The following SYNPO2 variants were observed in gnomAD, a reference collection of about 807,000 sequenced individuals.
SYNPO2 encodes the protein synaptopodin 2, also known as synaptopodin-2.
A neutral mutation model predicts 85.0 loss-of-function variants in SYNPO2; 56 were observed. The observed-to-expected ratio is 0.66, with a 90% CI of 0.53 to 0.82. SYNPO2 has a LOEUF of 0.82. Ranked by LOEUF, SYNPO2 falls within the 40% of genes least tolerant of loss-of-function variation. SYNPO2 has a pLI of 0.00. For missense variants in SYNPO2, 1,575 were observed against 1,534.2 expected, an observed-to-expected ratio of 1.03 and a Z score of -0.44; for synonymous variants, 602 against 591.1, an observed-to-expected ratio of 1.02 and a Z score of -0.27.
rs1321917322 is a variant in SYNPO2, at chr4:119,057,827, A to G, written c.3679A>G (p.Arg1227Gly). 3.1e-6 allele frequency: 5 copies of G among 1,614,012 alleles called. No individual in the cohort carries two copies. The highest frequency in any genetic ancestry group is 4.2e-6 in the Non-Finnish European group (5 of 1,180,040). The change falls in exon 5 of 5, where the codon AGA becomes GGA. Residue 1227 changes from arginine to glycine, a missense_variant. Physicochemically the swap from Arg to Gly is moderately radical, Grantham distance 125. Coordinates refer to ENST00000307142, the MANE Select transcript of SYNPO2 (RefSeq NM_133477.3). The part of the protein sequence containing the change: ...LPYAYYRQAS[R>G]NDSAIMSMET... ...ATATGCATATTATAGGCAGGCTTCAAGAAATGATTCTGCAATCATGTCCAT... is the reference window on the plus strand; with the variant it reads ...ATATGCATATTATAGGCAGGCTTCAGGAAATGATTCTGCAATCATGTCCAT...
chr4:118,850,941 G>C lies in SYNPO2; in HGVS notation c.12+1G>C, dbSNP rs2110559242. On this transcript the variant is annotated splice_donor_variant, in intron 1 of 4. Coordinates refer to the SYNPO2 transcript ENST00000610556. LOFTEE classifies it high-confidence loss of function. ...TGAGACAAGAGGAATGGTTACACAG[G>C]TAGGAAGAGAAGCAGAGATGAATGG... 3 of 398,612 alleles carry C rather than the reference G, an allele frequency of 7.5e-6. No homozygotes were observed. In the East Asian group the frequency reaches 1.1e-4, roughly 14 times the overall value. 24.7% of individuals were successfully genotyped at this position (398,612 alleles called of 1,614,324 possible).
chr4:118,943,581 C>A (rs1156938150), intron 1 of SYNPO2, among the ~76,000 whole-genome samples: 2 of 152,170 alleles, frequency 1.3e-5, no homozygotes, highest in Non-Finnish European at 2.9e-5. Flanking sequence ...GCTGTCATAT[C>A]TTTTTGGAAC....
chr4:118,950,359 A>C (rs539749688), intron 1 of SYNPO2, among the ~76,000 whole-genome samples: 2 of 152,304 alleles, frequency 1.3e-5, no homozygotes, highest in South Asian at 4.1e-4. Flanking sequence ...ACAGTTCCCA[A>C]GGGTAGGGCC....
At chr4:118,857,673 G>C (rs147269883) in intron 1 of SYNPO2, among the ~76,000 whole-genome samples, 10 of 152,230 alleles carry the variant, frequency 6.6e-5, no homozygotes, top group African/African-American at 2.2e-4. Context: ...TAAAAGAAAA[G>C]CTCTGAAATT....
At chr4:119,002,863 A>ATATTCTAGGCTG (rs965573467) in intron 1 of SYNPO2, among the ~76,000 whole-genome samples, 2 of 151,812 alleles carry the variant, frequency 1.3e-5, no homozygotes, top group African/African-American at 4.8e-5. Context: ...ATTCTAGGCT[A>ATATTCTAGGCTG]TTGATTTGAG....
At chr4:118,995,413 C>T (rs1215609985) in intron 1 of SYNPO2, among the ~76,000 whole-genome samples, 1 of 152,080 alleles carries the variant, frequency 6.6e-6, no homozygotes, top group African/African-American at 2.4e-5. Context: ...TGATGGGTAT[C>T]TTATATACAT....
intron 4 of SYNPO2, chr4:119,033,291 T>C (rs1055304448): frequency 5.0e-5 from 49 of 985,324 alleles, no homozygotes; most frequent in Non-Finnish European, 5.4e-5. Flanking sequence ...TTCTCCCACG[T>C]TCCTTGCAAT....
intron 1 of SYNPO2, among the ~76,000 whole-genome samples, chr4:119,009,643 T>G (rs1737214558): frequency 6.6e-6 from 1 of 152,080 alleles, no homozygotes; most frequent in African/African-American, 2.4e-5. Flanking sequence ...CCGGGGAAGC[T>G]CATTAAAAGT....
chr4:118,932,680 A>G (rs1733971594), intron 1 of SYNPO2, among the ~76,000 whole-genome samples: 1 of 152,232 alleles, frequency 6.6e-6, no homozygotes, highest in Admixed American at 6.5e-5. Flanking sequence ...TTGAAACATA[A>G]GAACACCTGT....
intron 1 of SYNPO2, among the ~76,000 whole-genome samples, chr4:118,931,618 TC>T: frequency 6.6e-6 from 1 of 152,308 alleles, no homozygotes; most frequent in South Asian, 2.1e-4. Flanking sequence ...GCTGTATAGA[TC>T]AGGAATACCC....
intron 1 of SYNPO2, among the ~76,000 whole-genome samples, chr4:118,858,736 CAT>C (rs767438566): frequency 6.6e-6 from 1 of 152,166 alleles, no homozygotes; most frequent in Non-Finnish European, 1.5e-5. Context: ...TAATATAAAA[CAT>C]AAAAAATCTA....
Position 118,964,578 on chromosome 4 carries a change from G to A in SYNPO2, c.106-58852G>A, listed in dbSNP as rs569418622. On this transcript the variant is annotated intron_variant, in intron 1 of 4. Coordinates refer to ENST00000307142, the MANE Select transcript of SYNPO2 (RefSeq NM_133477.3). ...AAACCATCAGGTTTTATTTATTAGG[G>A]TGACATACTATTTCTCTCTCCCTCT... Among the ~76,000 whole-genome samples the A allele has an allele frequency of 2.6e-5, 4 of 151,960 alleles. No individual in the cohort carries two copies. In the East Asian group the frequency reaches 7.7e-4, roughly 29 times the overall value.
chr4:119,000,866 T>A (rs1736797172), intron 1 of SYNPO2, among the ~76,000 whole-genome samples: 1 of 152,252 alleles, frequency 6.6e-6, no homozygotes, highest in Non-Finnish European at 1.5e-5. Flanking sequence ...TTTTCTTTTT[T>A]TCTCTCTCGC....
At chr4:118,976,355 C>T (rs944475202) in intron 1 of SYNPO2, among the ~76,000 whole-genome samples, 10 of 152,086 alleles carry the variant, frequency 6.6e-5, no homozygotes, top group Non-Finnish European at 1.0e-4. Flanking sequence ...AGCTGCAGAT[C>T]TTCGCGGTGA....
intron 1 of SYNPO2, among the ~76,000 whole-genome samples, chr4:118,952,131 G>A (rs1463320044): frequency 6.6e-6 from 1 of 152,108 alleles, no homozygotes; most frequent in East Asian, 1.9e-4. Flanking sequence ...TCCCAGCTCT[G>A]GAATAATTAC....
In SYNPO2 at chr4:118,924,502, A is replaced by C. The variant is rs543809055; in HGVS notation, c.105+35361A>C. ...CAACACAGAAGTTACTAGGGGACTC[A>C]GAGCAAAGAAGCCCGAGCCCTTGGT... is the stretch of plus-strand genomic sequence containing the variant. On this transcript the variant is annotated intron_variant, in intron 1 of 4. Coordinates refer to ENST00000307142, the MANE Select transcript of SYNPO2 (RefSeq NM_133477.3). 1.8e-4 allele frequency among the ~76,000 whole-genome samples: 27 copies of C among 152,332 alleles called. 1 individual carries two copies. The South Asian group carries it at 5.4e-3, about 30-fold the overall frequency.
intron 4 of SYNPO2, among the ~76,000 whole-genome samples, chr4:119,050,557 G>A (rs780933831): frequency 2.6e-4 from 39 of 152,114 alleles, no homozygotes; most frequent in Non-Finnish European, 5.1e-4. Flanking sequence ...TGACGATTAC[G>A]TGAAACACTC....
At chr4:118,898,333 G>A (rs558307270) in intron 1 of SYNPO2, among the ~76,000 whole-genome samples, 2 of 152,026 alleles carry the variant, frequency 1.3e-5, no homozygotes, top group African/African-American at 4.8e-5. Flanking sequence ...CCTTATTTTT[G>A]TCTCTTAGAT....
chr4:119,008,522 A>G (rs926144097), intron 1 of SYNPO2, among the ~76,000 whole-genome samples: 2 of 151,986 alleles, frequency 1.3e-5, no homozygotes, highest in East Asian at 1.9e-4. Context: ...AGAAATTATG[A>G]TATGTTATTA....
Sources: allele counts gnomAD v4.1 joint callset (sites outside exome capture counted in the v4.1 genomes callset), GRCh38; gene constraint gnomAD v4.1.1; transcripts MANE v1.5; gene names NCBI Gene and HGNC (gene_info 2026-07-23, HGNC 2026-07-21).